Variants in ADGRL3 observed in about 807,000 individuals in gnomAD.
ADGRL3 encodes the protein adhesion G protein-coupled receptor L3.
Under a neutral mutation model 153.5 loss-of-function variants are expected in ADGRL3, and 62 were observed. The ratio of observed to expected loss-of-function variants is 0.40; its 90% CI spans 0.33 to 0.50. ADGRL3 has a LOEUF of 0.50. ADGRL3 is among the 20% of genes least tolerant of loss of function. The pLI is 0.47. For synonymous variants in ADGRL3, 710 were observed against 672.5 expected (o/e 1.06, Z -0.86); for missense variants, 1,641 against 1,859.4 (o/e 0.88, Z 2.16).
intron 21 of ADGRL3, among the ~76,000 whole-genome samples, chr4:62,013,241 G>T (rs754606658): frequency 6.6e-6 from 1 of 151,998 alleles, no homozygotes; most frequent in Non-Finnish European, 1.5e-5. Flanking sequence ...TTAGAAATTT[G>T]TTGTTATAGG....
intron 23 of ADGRL3, among the ~76,000 whole-genome samples, chr4:62,035,497 G>A (rs543289250): frequency 1.3e-5 from 2 of 152,168 alleles, no homozygotes; most frequent in South Asian, 4.1e-4. Context: ...AATGCGGGAT[G>A]TTGCAGGGGG....
At chr4:61,731,916 G>C (rs1332450684) in intron 7 of ADGRL3, among the ~76,000 whole-genome samples, 1 of 151,966 alleles carries the variant, frequency 6.6e-6, no homozygotes, top group Non-Finnish European at 1.5e-5. Flanking sequence ...GATGATTCTT[G>C]GCCATTTTCA....
intron 1 of ADGRL3, among the ~76,000 whole-genome samples, chr4:61,251,603 T>C (rs564778112): frequency 1.6e-4 from 25 of 152,332 alleles, no homozygotes; most frequent in African/African-American, 6.0e-4. Flanking sequence ...GTAAACATGA[T>C]TAACTTTGAA....
chr4:61,353,350 T>A (rs1216636902), intron 1 of ADGRL3, among the ~76,000 whole-genome samples: 1 of 152,096 alleles, frequency 6.6e-6, no homozygotes, highest in Non-Finnish European at 1.5e-5. Flanking sequence ...CATACACCCA[T>A]TTTATACTCT....
chr4:61,530,860 C>T (rs915573568), intron 4 of ADGRL3, among the ~76,000 whole-genome samples: 17 of 152,118 alleles, frequency 1.1e-4, no homozygotes, highest in African/African-American at 4.1e-4. Flanking sequence ...ACACCTGGTG[C>T]TTAAAAGTAC....
intron 2 of ADGRL3, among the ~76,000 whole-genome samples, chr4:61,384,636 A>G (rs981977880): frequency 6.6e-6 from 1 of 152,000 alleles, no homozygotes; most frequent in Admixed American, 6.6e-5. Context: ...AACCATGCAA[A>G]TAACATAGGC....
In ADGRL3 at chr4:61,439,663, T is replaced by G. The variant is rs1159531696; in HGVS notation, c.-174+56474T>G. ...TGTTCCCCTCCCTATATCCATGTGT[T>G]CTCATTGTTCAACTCCCACTTATGA... On this transcript the variant is annotated intron_variant, in intron 2 of 26. Transcript: ENST00000683033. 4.6e-5 allele frequency among the ~76,000 whole-genome samples: 7 copies of G among 152,182 alleles called. No individual in the cohort carries two copies. The East Asian group carries it at 1.2e-3, about 25-fold the overall frequency.
At chr4:61,410,592 G>T (rs1198225047) in intron 2 of ADGRL3, among the ~76,000 whole-genome samples, 2 of 152,124 alleles carry the variant, frequency 1.3e-5, no homozygotes, top group East Asian at 3.9e-4. Flanking sequence ...CAAGGCATTG[G>T]CAGGGGAAAT....
At chr4:61,271,624 C>T (rs1207415802) in intron 1 of ADGRL3, among the ~76,000 whole-genome samples, 1 of 152,028 alleles carries the variant, frequency 6.6e-6, no homozygotes, top group Admixed American at 6.6e-5. Context: ...CTAGAACTTA[C>T]TAGTTTATGA....
intron 1 of ADGRL3, among the ~76,000 whole-genome samples, chr4:61,315,744 G>T (rs1016124783): frequency 6.6e-6 from 1 of 152,098 alleles, no homozygotes; most frequent in Non-Finnish European, 1.5e-5. Flanking sequence ...TTTTTAAACC[G>T]CCATAAAATC....
At chr4:61,867,540 A>ATATATATATATATATATATATATATG (rs201200813) in intron 9 of ADGRL3, among the ~76,000 whole-genome samples, 10 of 132,120 alleles carry the variant, frequency 7.6e-5, no homozygotes, top group African/African-American at 2.7e-4. Context: ...ATATATATAT[A>ATATATATATATATATATATATATATG]ATTGTAGGAG....
At chr4:61,999,507 A>G (rs536463845) in intron 21 of ADGRL3, among the ~76,000 whole-genome samples, 1 of 152,332 alleles carries the variant, frequency 6.6e-6, no homozygotes, top group Admixed American at 6.5e-5. Context: ...TTGCATTTTC[A>G]TATAATTTGC....
chr4:61,810,734 C>A (rs998203667), intron 8 of ADGRL3, among the ~76,000 whole-genome samples: 2 of 152,088 alleles, frequency 1.3e-5, no homozygotes, highest in African/African-American at 4.8e-5. Flanking sequence ...CTCTGGCATA[C>A]CTGACAGTGG....
chr4:62,006,359 G>A (rs1445272614), intron 21 of ADGRL3, among the ~76,000 whole-genome samples: 2 of 151,988 alleles, frequency 1.3e-5, no homozygotes, highest in Non-Finnish European at 2.9e-5. Context: ...ATGGAGTGGA[G>A]TGTGACTCCA....
chr4:61,788,608 G>T (rs188894529), intron 8 of ADGRL3, among the ~76,000 whole-genome samples: 9 of 152,132 alleles, frequency 5.9e-5, no homozygotes, highest in Admixed American at 4.6e-4. Context: ...AACAATTCTG[G>T]TAATTTAACA....
chr4:61,749,597 AC>A (rs2096724425), intron 8 of ADGRL3, among the ~76,000 whole-genome samples: 1 of 152,140 alleles, frequency 6.6e-6, no homozygotes, highest in Admixed American at 6.5e-5. Flanking sequence ...TTCTCAGTAA[AC>A]TATCACAAGA....
intron 4 of ADGRL3, among the ~76,000 whole-genome samples, chr4:61,522,482 A>G (rs539987463): frequency 6.6e-6 from 1 of 152,270 alleles, no homozygotes; most frequent in East Asian, 1.9e-4. Flanking sequence ...AGTGCTTTCA[A>G]AGTTGAAGAT....
chr4:61,634,105 G>T (rs1220861856), intron 5 of ADGRL3, among the ~76,000 whole-genome samples: 3 of 152,022 alleles, frequency 2.0e-5, no homozygotes, highest in Non-Finnish European at 4.4e-5. Context: ...CACATACTTC[G>T]ACTTGACATC....
chr4:61,697,386 C>T (rs991576703), intron 6 of ADGRL3, among the ~76,000 whole-genome samples: 1 of 151,864 alleles, frequency 6.6e-6, no homozygotes, highest in African/African-American at 2.4e-5. Flanking sequence ...CATGGTGAAA[C>T]CCTGTCTTTA....
Sources: gnomAD v4.1 joint callset for allele counts (sites outside exome capture counted in the v4.1 genomes callset) on GRCh38, gnomAD v4.1.1 for gene constraint, MANE v1.5 for transcripts, NCBI Gene and HGNC (gene_info 2026-07-23, HGNC 2026-07-21) for gene names.